Variants in NXPH1 observed in about 807,000 individuals in gnomAD.
NXPH1 encodes the protein neurexophilin-1.
Under a neutral mutation model 23.7 loss-of-function variants are expected in NXPH1, and 5 were observed. That is an observed-to-expected ratio of 0.21 (90% CI 0.11 to 0.44). NXPH1 has a LOEUF of 0.44. Among genes scored for constraint, NXPH1 ranks in the 20% least tolerant of loss-of-function variants. The pLI is 0.99. For missense variants in NXPH1, 324 were observed against 321.6 expected (o/e 1.01, Z -0.06); for synonymous variants, 144 against 122.2 (o/e 1.18, Z -1.18).
chr7:8,547,807 C>T (rs1187263145), intron 2 of NXPH1, among the ~76,000 whole-genome samples: 1 of 151,484 alleles, frequency 6.6e-6, no homozygotes, highest in East Asian at 2.0e-4. Context: ...CACCTCCATC[C>T]ATGTTGCTAC....
chr7:8,541,629 A>G (rs1021531791), intron 2 of NXPH1, among the ~76,000 whole-genome samples: 8 of 151,824 alleles, frequency 5.3e-5, no homozygotes, highest in Middle Eastern at 3.4e-3. Context: ...GTATAATTTA[A>G]ATCTCAAAAA....
At chr7:8,437,933 T>A (rs953694218) in intron 2 of NXPH1, among the ~76,000 whole-genome samples, 2 of 152,254 alleles carry the variant, frequency 1.3e-5, no homozygotes, top group Non-Finnish European at 2.9e-5. Context: ...AGAAGTCCGT[T>A]CTTTTTTCTC....
At chr7:8,732,798 AG>A (rs759368020) in intron 2 of NXPH1, among the ~76,000 whole-genome samples, 1 of 152,146 alleles carries the variant, frequency 6.6e-6, no homozygotes, top group Non-Finnish European at 1.5e-5. Context: ...GGAAATGTGA[AG>A]GCCTAGGATA....
intron 2 of NXPH1, among the ~76,000 whole-genome samples, chr7:8,732,538 G>A (rs958466404): frequency 6.6e-6 from 1 of 152,142 alleles, no homozygotes; most frequent in Non-Finnish European, 1.5e-5. Flanking sequence ...TTCCTGAAAG[G>A]CATCTGTATT....
In NXPH1 at chr7:8,471,898, T is replaced by C. The variant is rs530432550; in HGVS notation, c.54+36131T>C. On this transcript the variant is annotated intron_variant, in intron 2 of 2. Coordinates refer to ENST00000405863, the MANE Select transcript of NXPH1 (RefSeq NM_152745.3). Reference sequence around the variant, plus strand: ...AGTATAATCTCATGGTAAATGGTGTTTACCATAAAGCTAACATTGATATTT... The same window carrying C: ...AGTATAATCTCATGGTAAATGGTGTCTACCATAAAGCTAACATTGATATTT... Among the ~76,000 whole-genome samples, 5 of 152,084 alleles carry C rather than the reference T, an allele frequency of 3.3e-5. No homozygotes were observed. In the South Asian group the frequency reaches 1.0e-3, roughly 31 times the overall value.
At position 8,645,633 on chromosome 7, in the gene NXPH1, T is replaced by A. The variant is rs1404346277; in HGVS notation, c.55-105375T>A. Reference sequence around the variant, plus strand: ...CTTTTTACTTCTTCTAATGTTTTCATCATGGTTTGGGCTTTTTGTATCTTT... The same window carrying A: ...CTTTTTACTTCTTCTAATGTTTTCAACATGGTTTGGGCTTTTTGTATCTTT... On this transcript the variant is annotated intron_variant, in intron 2 of 2. Coordinates refer to ENST00000405863, the MANE Select transcript of NXPH1 (RefSeq NM_152745.3). 2.0e-5 allele frequency among the ~76,000 whole-genome samples: 3 copies of A among 152,178 alleles called. No individual in the cohort carries two copies. The East Asian group carries it at 5.8e-4, about 29-fold the overall frequency.
intron 2 of NXPH1, among the ~76,000 whole-genome samples, chr7:8,443,220 CCT>C (rs1816335512): frequency 6.6e-6 from 1 of 152,240 alleles, no homozygotes; most frequent in Non-Finnish European, 1.5e-5. Flanking sequence ...TGCTTGCACC[CCT>C]CTCCATTACC....
chr7:8,500,355 A>G (rs1264885245), intron 2 of NXPH1, among the ~76,000 whole-genome samples: 1 of 152,092 alleles, frequency 6.6e-6, no homozygotes, highest in East Asian at 1.9e-4. Flanking sequence ...GTTATCTGAG[A>G]AAAGGCAGGA....
intron 2 of NXPH1, among the ~76,000 whole-genome samples, chr7:8,695,551 A>G (rs892893869): frequency 3.3e-5 from 5 of 151,694 alleles, no homozygotes; most frequent in African/African-American, 7.3e-5. Flanking sequence ...CTACATTGCT[A>G]TTTATATGAC....
intron 2 of NXPH1, among the ~76,000 whole-genome samples, chr7:8,553,922 T>A (rs1222054044): frequency 6.6e-6 from 1 of 151,686 alleles, no homozygotes; most frequent in African/African-American, 2.4e-5. Flanking sequence ...GAAAAATTTT[T>A]CAATTATATT....
intron 2 of NXPH1, among the ~76,000 whole-genome samples, chr7:8,563,538 T>G (rs1049362860): frequency 1.3e-5 from 2 of 151,726 alleles, no homozygotes; most frequent in African/African-American, 4.8e-5. Flanking sequence ...CAGAAGGGAT[T>G]GAAACAAGAC....
At chr7:8,676,335 T>G (rs977680729) in intron 2 of NXPH1, among the ~76,000 whole-genome samples, 1 of 152,188 alleles carries the variant, frequency 6.6e-6, no homozygotes, top group Non-Finnish European at 1.5e-5. Context: ...GCTCTGTACT[T>G]TAGTTGGCTT....
At chr7:8,579,456 T>G (rs1818823723) in intron 2 of NXPH1, among the ~76,000 whole-genome samples, 1 of 151,678 alleles carries the variant, frequency 6.6e-6, no homozygotes. Context: ...CACTGAAACC[T>G]TTGCCTCCCA....
At chr7:8,487,831 T>C (rs1474885925) in intron 2 of NXPH1, among the ~76,000 whole-genome samples, 2 of 152,228 alleles carry the variant, frequency 1.3e-5, no homozygotes, top group East Asian at 1.9e-4. Context: ...AGTTTAATAT[T>C]AGAGGAGGTG....
chr7:8,472,539 C>A (rs757989706), intron 2 of NXPH1, among the ~76,000 whole-genome samples: 10 of 152,110 alleles, frequency 6.6e-5, no homozygotes, highest in Admixed American at 3.9e-4. Flanking sequence ...GGCTTTTTGC[C>A]TCTAGTGCTG....
At chr7:8,734,593 A>G (rs569248798) in intron 2 of NXPH1, among the ~76,000 whole-genome samples, 1 of 152,084 alleles carries the variant, frequency 6.6e-6, no homozygotes, top group South Asian at 2.1e-4. Flanking sequence ...GTATTTGCTG[A>G]GGAATGTTTT....
intron 2 of NXPH1, among the ~76,000 whole-genome samples, chr7:8,501,078 G>T (rs1198139433): frequency 6.6e-6 from 1 of 152,024 alleles, no homozygotes; most frequent in African/African-American, 2.4e-5. Flanking sequence ...TATGAGTTGG[G>T]ATCTTCAGCA....
chr7:8,596,857 A>G (rs1345079302), intron 2 of NXPH1, among the ~76,000 whole-genome samples: 1 of 152,122 alleles, frequency 6.6e-6, no homozygotes, highest in African/African-American at 2.4e-5. Context: ...ACCTTCTAAT[A>G]AAGGCGAATG....
Position 8,679,349 on chromosome 7 carries a change from C to T in NXPH1, c.55-71659C>T, listed in dbSNP as rs1457981002. Among the ~76,000 whole-genome samples, 4 of 152,234 alleles carry T rather than the reference C, an allele frequency of 2.6e-5. No homozygotes were observed. In the East Asian group the frequency reaches 5.8e-4, roughly 22 times the overall value. ...ACAATTTGCAACATTATGGGCTAGA[C>T]AAATATAATTTCAAGGAATTGGGGT... On this transcript the variant is annotated intron_variant, in intron 2 of 2. Coordinates refer to ENST00000405863, the MANE Select transcript of NXPH1 (RefSeq NM_152745.3).
Sources: allele counts gnomAD v4.1 joint callset (sites outside exome capture counted in the v4.1 genomes callset), GRCh38; gene constraint gnomAD v4.1.1; transcripts MANE v1.5; gene names NCBI Gene and HGNC (gene_info 2026-07-23, HGNC 2026-07-21).